Variants in DDX10 observed in about 807,000 individuals in gnomAD.
DDX10 encodes the protein probable ATP-dependent RNA helicase DDX10.
Under a neutral mutation model 104.3 loss-of-function variants are expected in DDX10, and 74 were observed. The ratio of observed to expected loss-of-function variants is 0.71; its 90% CI spans 0.59 to 0.86. The LOEUF (loss-of-function observed/expected upper bound fraction) is 0.86. DDX10 is among the 40% of genes least tolerant of loss of function. The pLI is 0.00. For missense variants in DDX10, 952 were observed against 1,040.0 expected (o/e 0.92, Z 1.16); for synonymous variants, 351 against 353.4 (o/e 0.99, Z 0.08).
chr11:108,665,390 G>T, intron 1 of DDX10, 51 bp downstream of exon 1: 4 of 1,500,542 alleles, frequency 2.7e-6, no homozygotes, highest in Non-Finnish European at 3.6e-6. Flanking sequence ...GCGGGGCAGC[G>T]TCTCACTGCG....
At chr11:108,890,937 G>A (rs2134639738) in intron 16 of DDX10, among the ~76,000 whole-genome samples, 1 of 152,208 alleles carries the variant, frequency 6.6e-6, no homozygotes, top group South Asian at 2.1e-4. Flanking sequence ...TCCCCTCCCA[G>A]CAGGCTTCTG....
At chr11:108,921,839 TC>T (rs1428912010) in intron 17 of DDX10, 1 of 152,452 alleles carries the variant, frequency 6.6e-6, no homozygotes, top group Non-Finnish European at 1.5e-5. Context: ...GCGCCTGTAG[TC>T]CCAGCTGCTG....
In DDX10 at chr11:108,838,628, C is replaced by G. The variant is rs962960957; in HGVS notation, c.2085+63C>G. Reference sequence around the variant, plus strand: ...TGGAGTATTAGAAGAGATCGACTCTCTCTTACTTAGCACTCATTAATGATA... The same window carrying G: ...TGGAGTATTAGAAGAGATCGACTCTGTCTTACTTAGCACTCATTAATGATA... On this transcript the variant is annotated intron_variant, in intron 14 of 17. Transcript: ENST00000322536. The G allele has an allele frequency of 6.6e-6, 10 of 1,519,492 alleles. No homozygotes were observed. The East Asian group carries it at 1.9e-4, about 28-fold the overall frequency. 94.1% of individuals were successfully genotyped at this position (1,519,492 alleles called of 1,614,324 possible). A position where few individuals can be genotyped will look rare whatever the true frequency, so the allele number is the denominator to read the frequency against.
intron 13 of DDX10, among the ~76,000 whole-genome samples, chr11:108,826,608 GT>G (rs1319118559): frequency 6.6e-6 from 1 of 152,192 alleles, no homozygotes; most frequent in African/African-American, 2.4e-5. Context: ...AGTAGAAACT[GT>G]AACCAACTTC....
intron 6 of DDX10, 117 bp downstream of exon 6, chr11:108,679,677 C>A: frequency 2.7e-6 from 2 of 734,858 alleles, no homozygotes; most frequent in Non-Finnish European, 4.2e-6. Flanking sequence ...ATTGGTTATG[C>A]AAAGCATAGT....
intron 16 of DDX10, among the ~76,000 whole-genome samples, chr11:108,879,004 C>CT (rs1338506402): frequency 6.6e-6 from 1 of 152,024 alleles, no homozygotes; most frequent in African/African-American, 2.4e-5. Context: ...TTTTCTAAGT[C>CT]TTTTTTTGTT....
intron 13 of DDX10, among the ~76,000 whole-genome samples, chr11:108,729,555 G>T (rs7934946): frequency 6.6e-6 from 1 of 151,822 alleles, no homozygotes; most frequent in South Asian, 2.1e-4. Flanking sequence ...AACAAAACAA[G>T]GAAGAACAAA....
intron 17 of DDX10, among the ~76,000 whole-genome samples, chr11:108,926,844 G>A (rs1863915118): frequency 6.6e-6 from 1 of 152,180 alleles, no homozygotes; most frequent in Admixed American, 6.5e-5. Context: ...TTCTGAGAAT[G>A]TTTCAGATGA....
intron 10 of DDX10, among the ~76,000 whole-genome samples, chr11:108,714,526 CT>C (rs2094288845): frequency 2.3e-5 from 2 of 85,644 alleles, no homozygotes. Context: ...AGAAGTCTGA[CT>C]CTTTTTTTTT....
chr11:108,854,494 C>T (rs1157590429), intron 16 of DDX10, among the ~76,000 whole-genome samples: 1 of 151,946 alleles, frequency 6.6e-6, no homozygotes, highest in Non-Finnish European at 1.5e-5. Flanking sequence ...CCCTTTGATC[C>T]CTGAACCTAC....
At chr11:108,702,200 T>A (rs1392847131) in intron 9 of DDX10, among the ~76,000 whole-genome samples, 4 of 152,218 alleles carry the variant, frequency 2.6e-5, no homozygotes, top group Non-Finnish European at 5.9e-5. Flanking sequence ...AAAAAACTTA[T>A]TTTTAATAAC....
chr11:108,778,622 C>A (rs1467616367), intron 13 of DDX10, among the ~76,000 whole-genome samples: 2 of 152,150 alleles, frequency 1.3e-5, no homozygotes, highest in South Asian at 2.1e-4. Context: ...ACTGTTCAGG[C>A]CATAGGCATG....
At chr11:108,752,216 T>G (rs1278395652) in intron 13 of DDX10, among the ~76,000 whole-genome samples, 1 of 152,100 alleles carries the variant, frequency 6.6e-6, no homozygotes, top group Non-Finnish European at 1.5e-5. Flanking sequence ...TCTGTGGAAG[T>G]GTTAGAGCAT....
intron 16 of DDX10, among the ~76,000 whole-genome samples, chr11:108,856,575 G>T (rs72993511): frequency 1.4e-3 from 216 of 151,818 alleles, no homozygotes; most frequent in Admixed American, 5.7e-3. Flanking sequence ...CTTTTTCTCT[G>T]ACTCAACAGT....
chr11:108,841,492 T>C lies in DDX10; in HGVS notation c.2247+16T>C. ...AAAGCATCGGGTAAGCTTTCCATCT[T>C]GAATTCATACTGAGTAAAATTTAGT... On this transcript the variant is annotated intron_variant, in intron 15 of 17. Coordinates refer to ENST00000322536, the MANE Select transcript of DDX10 (RefSeq NM_004398.4). 1 of 1,611,886 alleles carries C rather than the reference T, an allele frequency of 6.2e-7. No individual in the cohort carries two copies. The highest frequency in any genetic ancestry group is 1.3e-5 in the African/African-American group (1 of 74,930).
At chr11:108,889,819 G>A (rs990625640) in intron 16 of DDX10, among the ~76,000 whole-genome samples, 2 of 152,172 alleles carry the variant, frequency 1.3e-5, no homozygotes, top group Non-Finnish European at 2.9e-5. Flanking sequence ...TTGCTTTGAA[G>A]TTTGGCTTGA....
intron 13 of DDX10, among the ~76,000 whole-genome samples, chr11:108,760,267 C>T (rs926954051): frequency 6.6e-6 from 1 of 151,888 alleles, no homozygotes; most frequent in Non-Finnish European, 1.5e-5. Flanking sequence ...TGTATCTCTA[C>T]AGAACATTGG....
intron 13 of DDX10, among the ~76,000 whole-genome samples, chr11:108,766,291 C>G (rs2094356240): frequency 2.0e-5 from 3 of 152,156 alleles, no homozygotes; most frequent in African/African-American, 7.2e-5. Flanking sequence ...GTTACGTATT[C>G]CCAGTTCTTC....
chr11:108,792,317 T>A (rs895431287), intron 13 of DDX10, among the ~76,000 whole-genome samples: 3 of 152,188 alleles, frequency 2.0e-5, no homozygotes, highest in Non-Finnish European at 4.4e-5. Flanking sequence ...ATGCATTATG[T>A]TCTTTTAAAA....
Sources: gnomAD v4.1 joint callset for allele counts (sites outside exome capture counted in the v4.1 genomes callset) on GRCh38, gnomAD v4.1.1 for gene constraint, MANE v1.5 for transcripts, NCBI Gene and HGNC (gene_info 2026-07-23, HGNC 2026-07-21) for gene names.